Variants in NOBOX observed in about 807,000 individuals in gnomAD.
NOBOX encodes NOBOX oogenesis homeobox.
A neutral mutation model predicts 60.2 loss-of-function variants in NOBOX; 46 were observed. The observed-to-expected ratio is 0.76, with a 90% confidence interval of 0.60 to 0.98. The LOEUF (loss-of-function observed/expected upper bound fraction) is 0.98. NOBOX is among the 50% of genes least tolerant of loss of function. The pLI, the probability that NOBOX is intolerant of heterozygous loss-of-function variation, is 0.00. For missense variants in NOBOX, 880 were observed against 865.5 expected, an observed-to-expected ratio of 1.02 and a Z score of -0.21; for synonymous variants, 360 against 346.3, an observed-to-expected ratio of 1.04 and a Z score of -0.44.
intron 5 of NOBOX, 115 bp downstream of exon 3, chr7:144,400,091 G>T (rs367893648): frequency 6.2e-7 from 1 of 1,606,484 alleles, no homozygotes. Context: ...CACGTCTGAG[G>T]CCTCAATTCA....
chr7:144,401,258 G>A lies in NOBOX; in HGVS notation c.632C>T (p.Ala211Val). 5.0e-6 allele frequency: 8 copies of A among 1,613,568 alleles called. No individual in the cohort carries two copies. Among genetic ancestry groups the A allele is most frequent in the Non-Finnish European group, 5.9e-6 (7 of 1,179,710 alleles). The change falls in exon 4 of 10, where the codon GCC becomes GTC. Residue 211 changes from alanine to valine, a missense_variant. By Grantham distance (64) the Ala-to-Val change is moderately conservative. Transcript: ENST00000467773. This position sits in a 1 kb window ranked among gnomAD's most constrained non-coding sequence, Gnocchi z 4.2. Reference sequence around the variant, plus strand: ...AGATGATGTTGGGGCCAGACCCATGGCATTAGGCTTTTTCTGCTTCCCGGG... The same window carrying A: ...AGATGATGTTGGGGCCAGACCCATGACATTAGGCTTTTTCTGCTTCCCGGG...
intron 5 of NOBOX, 61 bp from the exon 4 acceptor site, chr7:144,399,924 C>T (rs750402585): frequency 6.4e-6 from 9 of 1,412,854 alleles, no homozygotes; most frequent in Non-Finnish European, 8.9e-6. Flanking sequence ...GGCTTAGGTC[C>T]TGGCTGTTGC....
At position 144,403,711 on chromosome 7, in the gene NOBOX, C is replaced by CCGCGG; in HGVS notation, c.210+840_210+844dup. 1 of 700,460 alleles carries CCGCGG rather than the reference C, an allele frequency of 1.4e-6. No individual in the cohort carries two copies. Among genetic ancestry groups the CCGCGG allele is most frequent in the Non-Finnish European group, 2.6e-6 (1 of 383,724 alleles). The allele number at this position is 700,460 out of a possible 1,614,324, so 43.4% of individuals were successfully genotyped here. A position where few individuals can be genotyped will look rare whatever the true frequency, so the allele number is the denominator to read the frequency against. ...GGTTCCATGGCCTGGACTCCCGCCG[C>CCGCGG]CGCGGCCGGCCCGTGATGCACAGGC... On this transcript the variant is annotated intron_variant, in intron 2 of 9. Transcript: ENST00000467773.
In NOBOX at chr7:144,398,604, C is replaced by T. The variant is rs2053911746; in HGVS notation, c.1470-18G>A. The T allele has an allele frequency of 3.9e-6, 6 of 1,531,180 alleles. No individual in the cohort carries two copies. Among genetic ancestry groups the T allele is most frequent in the Non-Finnish European group, 5.2e-6 (6 of 1,143,380 alleles). The allele number at this position is 1,531,180 out of a possible 1,614,324, so 94.8% of individuals were successfully genotyped here. On this transcript the variant is annotated intron_variant, in intron 8 of 9. Transcript: ENST00000467773. ...GGGTGATGCTGCAAGGACAGAGGAACAGCTGGTGAGGTGCAGGGGTGGGGG... is the reference window on the plus strand; with the variant it reads ...GGGTGATGCTGCAAGGACAGAGGAATAGCTGGTGAGGTGCAGGGGTGGGGG...
Position 144,401,545 on chromosome 7 carries a change from C to T in NOBOX, c.345G>A (p.Leu115=). Residue 115 remains leucine (L), a synonymous_variant, in exon 4 of 10, where the codon CTG becomes CTA. Coordinates refer to ENST00000467773, the MANE Select transcript of NOBOX (RefSeq NM_001080413.3). This position sits in a 1 kb window ranked among gnomAD's most constrained non-coding sequence, Gnocchi z 4.2. The stretch of plus-strand genomic sequence containing the variant: ...GAGCATGAGGGGCTGAGCCCCGGAG[C>T]AGTTCCTCCTCCCCGGGTCCTGCAG... 5 of 1,514,392 alleles carry T rather than the reference C, an allele frequency of 3.3e-6. No individual in the cohort carries two copies. Among genetic ancestry groups the T allele is most frequent in the Non-Finnish European group, 4.4e-6 (5 of 1,136,730 alleles). The allele number at this position is 1,514,392 out of a possible 1,614,324, so 93.8% of individuals were successfully genotyped here.
chr7:144,403,931 C>A (rs866693543), intron 2 of NOBOX, among the ~76,000 whole-genome samples: 2 of 152,048 alleles, frequency 1.3e-5, no homozygotes, highest in South Asian at 2.1e-4. Context: ...TGCTCCGCTC[C>A]CCCCAGCCAG....
rs1194093234 is a variant in NOBOX, at chr7:144,397,489, C to T, written c.1827G>A (p.Pro609=). The change falls in exon 10 of 10, where the codon CCG becomes CCA. Residue 609 remains proline, a synonymous_variant. Transcript: ENST00000467773. The stretch of plus-strand genomic sequence containing the variant: ...GATGCCCCAGAGCTTGTGGGCAGAA[C>T]GGACCAGGGAAGGGCAGCTCTGGCA... The T allele has an allele frequency of 2.0e-5, 31 of 1,536,874 alleles. 1 individual carries two copies. Among genetic ancestry groups the T allele is most frequent in the Admixed American group, 5.9e-5 (3 of 50,964 alleles).
intron 9 of NOBOX, 118 bp from the exon 8 acceptor site, chr7:144,397,659 T>A (rs1436844913): frequency 1.2e-6 from 1 of 859,706 alleles, no homozygotes; most frequent in East Asian, 2.7e-5. Context: ...GCTTAGGACC[T>A]CAGTGTAAGT....
chr7:144,406,482 C>T (rs1436759135), intron 1 of NOBOX, among the ~76,000 whole-genome samples: 2 of 151,618 alleles, frequency 1.3e-5, no homozygotes, highest in Non-Finnish European at 2.9e-5. Context: ...TGCTGGAATC[C>T]AGGAGGTGGA....
At position 144,400,169 on chromosome 7, in the gene NOBOX, C is replaced by T. The variant is rs372222051; in HGVS notation, c.988G>A (p.Gly330Ser). Residue 330 changes from glycine (G) to serine (S), a missense_variant, in exon 5 of 10, where the codon GGC (glycine) becomes AGC (serine). Transcript: ENST00000467773. ...AGTGTTTCAATGGTGGGCCCTCCGC[C>T]ACTCCACCCTGCCACCAGTGAGCCG... 3.4e-5 allele frequency: 55 copies of T among 1,613,930 alleles called. No homozygotes were observed. Among genetic ancestry groups the T allele is most frequent in the Non-Finnish European group, 4.5e-5 (53 of 1,179,916 alleles).
intron 8 of NOBOX, 103 bp from the exon 7 acceptor site, chr7:144,398,689 TG>T: frequency 1.2e-6 from 1 of 831,250 alleles, no homozygotes; most frequent in South Asian, 1.6e-5. Context: ...CTCATCTCCA[TG>T]GTAAGCCCAG....
chr7:144,407,814 C>G (rs1240299322), intron 1 of NOBOX, among the ~76,000 whole-genome samples: 2 of 152,212 alleles, frequency 1.3e-5, no homozygotes, highest in Non-Finnish European at 2.9e-5. Context: ...TTCTAATGCC[C>G]TTGCCCCAGA....
At chr7:144,398,221 T>A in intron 9 of NOBOX, 61 bp downstream of exon 7, 1 of 1,473,108 alleles carries the variant, frequency 6.8e-7, no homozygotes, top group South Asian at 1.2e-5. Flanking sequence ...ATAACTTGGC[T>A]CTTTGTCCCC....
intron 9 of NOBOX, 84 bp from the exon 8 acceptor site, chr7:144,397,625 C>A: frequency 8.3e-7 from 1 of 1,210,662 alleles, no homozygotes; most frequent in Non-Finnish European, 1.1e-6. Context: ...CAGATCCCCC[C>A]GTGCCCCAAC....
Position 144,398,453 on chromosome 7 carries a change from A to C in NOBOX, c.1603T>G (p.Leu535Val), listed in dbSNP as rs984421972. The C allele has an allele frequency of 6.5e-7, 1 of 1,537,200 alleles. No homozygotes were observed. Among genetic ancestry groups the C allele is most frequent in the Admixed American group, 2.0e-5 (1 of 50,982 alleles). ...AAGGGGAAAGTGGGGAGGTAGGGCAACTTGGGCTGAGGGGACTGGAAAAGC... is the reference window on the plus strand; with the variant it reads ...AAGGGGAAAGTGGGGAGGTAGGGCACCTTGGGCTGAGGGGACTGGAAAAGC... The change falls in exon 9 of 10, where the codon TTG becomes GTG. Residue 535 changes from leucine (L) to valine (V), a missense_variant. Leu to Val is a conservative substitution (Grantham distance 32, BLOSUM62 1). Transcript: ENST00000467773.
chr7:144,403,045 C>T (rs2053954410), intron 2 of NOBOX, among the ~76,000 whole-genome samples: 1 of 152,178 alleles, frequency 6.6e-6, no homozygotes, highest in African/African-American at 2.4e-5. Flanking sequence ...ACTTGAGCCA[C>T]TGCGCCTGAC....
Position 144,401,618 on chromosome 7 carries a change from C to T in NOBOX, c.293-21G>A, listed in dbSNP as rs1343534450. The T allele has an allele frequency of 8.7e-6, 13 of 1,500,164 alleles. No homozygotes were observed. The highest frequency in any genetic ancestry group is 1.1e-5 in the Non-Finnish European group (13 of 1,133,222). The allele number at this position is 1,500,164 out of a possible 1,614,324, so 92.9% of individuals were successfully genotyped here. A position where few individuals can be genotyped will look rare whatever the true frequency, so the allele number is the denominator to read the frequency against. On this transcript the variant is annotated intron_variant, in intron 3 of 9. Transcript: ENST00000467773. This position sits in a 1 kb window ranked among gnomAD's most constrained non-coding sequence, Gnocchi z 4.2. ...CTGGCCTGTGGGGAGCCAACATCCA[C>T]TGACCTTAGCACCAGGGAGAAGGAA...
At chr7:144,408,796 G>A (rs1001818488) in intron 1 of NOBOX, among the ~76,000 whole-genome samples, 1 of 152,220 alleles carries the variant, frequency 6.6e-6, no homozygotes, top group African/African-American at 2.4e-5. Flanking sequence ...GCAGGGGAGG[G>A]AAGTGGCTGT....
chr7:144,402,965 C>T (rs1462266642), intron 2 of NOBOX, among the ~76,000 whole-genome samples: 1 of 152,020 alleles, frequency 6.6e-6, no homozygotes, highest in African/African-American at 2.4e-5. Context: ...CCATGTTGGC[C>T]AGGCTGGTCT....
Sources: gnomAD v4.1 joint callset for allele counts (sites outside exome capture counted in the v4.1 genomes callset) on GRCh38, gnomAD v4.1.1 for gene constraint, Gnocchi (gnomAD v3.1) non-coding constraint, MANE v1.5 for transcripts, NCBI Gene and HGNC (gene_info 2026-07-23, HGNC 2026-07-21) for gene names.